The following RNASE4 variants were observed in gnomAD, a reference collection of about 807,000 sequenced individuals.
RNASE4 encodes the protein ribonuclease 4.
For missense variants in RNASE4, 194 were observed against 192.8 expected, an observed-to-expected ratio of 1.01 and a Z score of -0.04; for synonymous variants, 93 against 71.4, an observed-to-expected ratio of 1.30 and a Z score of -1.52.
In RNASE4 at chr14:20,693,543, G is replaced by A. The variant is rs373669465; in HGVS notation, c.-17-5812G>A. 72 of 1,610,188 alleles carry A rather than the reference G, an allele frequency of 4.5e-5. No homozygotes were observed. The highest frequency in any genetic ancestry group is 8.9e-5 in the East Asian group (4 of 44,894). On this transcript the variant is annotated intron_variant, in intron 1 of 1. Coordinates refer to ENST00000555835, the MANE Select transcript of RNASE4 (RefSeq NM_002937.5). ...TCTACCACACCTCCTTTTGCCCTCCGCAGGAGCCTGTGTTGGAAGAGATGG... is the reference window on the plus strand; with the variant it reads ...TCTACCACACCTCCTTTTGCCCTCCACAGGAGCCTGTGTTGGAAGAGATGG...
At position 20,699,605 on chromosome 14, in the gene RNASE4, C is replaced by G. The variant is rs774036206; in HGVS notation, c.234C>G (p.Ile78Met). 1.2e-6 allele frequency: 2 copies of G among 1,613,974 alleles called. No individual in the cohort carries two copies. Among genetic ancestry groups the G allele is most frequent in the Non-Finnish European group, 1.7e-6 (2 of 1,180,058 alleles). The change falls in exon 2 of 2, where the codon ATC (isoleucine) becomes ATG (methionine). Residue 78 changes from isoleucine (I) to methionine (M), a missense_variant. Coordinates refer to ENST00000555835, the MANE Select transcript of RNASE4 (RefSeq NM_002937.5). ...KRFNTFIHED[I>M]WNIRSICSTT... The stretch of plus-strand genomic sequence containing the variant: ...TCAACACCTTCATCCATGAAGATAT[C>G]TGGAACATTCGTAGTATCTGCAGCA...
intron 1 of RNASE4, chr14:20,688,768 AG>A: frequency 1.0e-6 from 1 of 984,974 alleles, no homozygotes; most frequent in East Asian, 1.1e-4. Context: ...GAACCTGGAG[AG>A]GCCTCCAGGT....
intron 1 of RNASE4, chr14:20,694,097 C>T: frequency 1.4e-6 from 2 of 1,454,514 alleles, no homozygotes; most frequent in Non-Finnish European, 1.9e-6. Flanking sequence ...ACATTCATTG[C>T]CAAGGGCCCA....
chr14:20,692,332 C>G (rs1305614829), intron 1 of RNASE4, among the ~76,000 whole-genome samples: 1 of 152,212 alleles, frequency 6.6e-6, no homozygotes, highest in African/African-American at 2.4e-5. Context: ...GTCTGCTTCC[C>G]TTCAACTCAG....
intron 1 of RNASE4, among the ~76,000 whole-genome samples, chr14:20,696,856 A>T (rs567433345): frequency 6.6e-6 from 1 of 152,228 alleles, no homozygotes; most frequent in East Asian, 1.9e-4. Context: ...TTACATGCTC[A>T]TTTTGCTTAT....
At chr14:20,687,663 A>T (rs1886488511) in intron 1 of RNASE4, among the ~76,000 whole-genome samples, 1 of 152,202 alleles carries the variant, frequency 6.6e-6, no homozygotes, top group South Asian at 2.1e-4. Flanking sequence ...AGCAGAGCAT[A>T]TTTACATAAT....
chr14:20,687,013 G>T (rs1886457205), intron 1 of RNASE4, among the ~76,000 whole-genome samples: 2 of 152,138 alleles, frequency 1.3e-5, no homozygotes, highest in African/African-American at 4.8e-5. Context: ...AAAATCTCCA[G>T]GAAAGGGGAA....
chr14:20,689,665 C>T (rs1292247701), intron 1 of RNASE4, among the ~76,000 whole-genome samples: 1 of 152,138 alleles, frequency 6.6e-6, no homozygotes, highest in Non-Finnish European at 1.5e-5. Context: ...ACCTGTAATC[C>T]CCGCACTTTG....
chr14:20,697,788 G>T lies in RNASE4; in HGVS notation c.-17-1567G>T, dbSNP rs576831432. 3.3e-5 allele frequency among the ~76,000 whole-genome samples: 5 copies of T among 152,300 alleles called. No homozygotes were observed. The South Asian group carries it at 1.0e-3, about 32-fold the overall frequency. On this transcript the variant is annotated intron_variant, in intron 1 of 1. Transcript: ENST00000555835. ...TGGGCTGCCTGACTCTCAAAACATT[G>T]CCCTTGCTAATTTGCGTTGCTCACT...
intron 1 of RNASE4, among the ~76,000 whole-genome samples, chr14:20,692,812 G>A (rs962656701): frequency 9.1e-4 from 139 of 152,284 alleles, no homozygotes; most frequent in African/African-American, 3.2e-3. Context: ...CCCCATGGAT[G>A]CCTCATTTCC....
chr14:20,699,871 A>G lies in RNASE4; in HGVS notation c.*56A>G. The G allele has an allele frequency of 6.8e-7, 1 of 1,477,138 alleles. No homozygotes were observed. Among genetic ancestry groups the G allele is most frequent in the Admixed American group, 1.7e-5 (1 of 58,826 alleles). The allele number at this position is 1,477,138 out of a possible 1,614,324, so 91.5% of individuals were successfully genotyped here. On this transcript the variant is annotated 3_prime_UTR_variant, in exon 2 of 2. Transcript: ENST00000555835. The stretch of plus-strand genomic sequence containing the variant: ...TTGACCTTACACTTACTCCTTAAAT[A>G]GCAGTGAGTAATGCATTTGAGCTGT...
At position 20,690,221 on chromosome 14, in the gene RNASE4, C is replaced by CA. The variant is rs36091065; in HGVS notation, c.-18+5490dup. On this transcript the variant is annotated intron_variant, in intron 1 of 1. Coordinates refer to ENST00000555835, the MANE Select transcript of RNASE4 (RefSeq NM_002937.5). ...TGGGCGACAGAGCGAGACTCCGTCT[C>CA]AAAAAAAAAAAAAAAAAAAAAAAAA... 7.8e-3 allele frequency among the ~76,000 whole-genome samples: 533 copies of CA among 67,986 alleles called. 32 individuals carry two copies. Among genetic ancestry groups the CA allele is most frequent in the African/African-American group, 0.018 (284 of 15,474 alleles). 44.6% of individuals were successfully genotyped at this position (67,986 alleles called of 152,430 possible).
At position 20,699,748 on chromosome 14, in the gene RNASE4, C is replaced by T. The variant is rs143629764; in HGVS notation, c.377C>T (p.Ala126Val). 1.8e-4 allele frequency: 285 copies of T among 1,611,518 alleles called. No individual in the cohort carries two copies. The Middle Eastern group carries it at 2.3e-3, about 13-fold the overall frequency. Residue 126 changes from alanine (A) to valine (V), a missense_variant, in exon 2 of 2, where the codon GCG (alanine) becomes GTG (valine). Ala to Val is a moderately conservative substitution (Grantham distance 64). Transcript: ENST00000555835. ...RAPNCRYRAI[A>V]STRRVVIACE... Reference sequence around the variant, plus strand: ...CCCAACTGCAGATATCGGGCCATAGCGAGCACTAGACGTGTTGTCATTGCC... The same window carrying T: ...CCCAACTGCAGATATCGGGCCATAGTGAGCACTAGACGTGTTGTCATTGCC...
intron 1 of RNASE4, among the ~76,000 whole-genome samples, chr14:20,689,281 T>C (rs906762149): frequency 5.3e-5 from 8 of 152,218 alleles, no homozygotes; most frequent in African/African-American, 1.9e-4. Flanking sequence ...CTTAGAAAAG[T>C]TTTGGATGCT....
intron 1 of RNASE4, among the ~76,000 whole-genome samples, chr14:20,695,090 GT>G (rs1377397261): frequency 6.6e-6 from 1 of 152,146 alleles, no homozygotes; most frequent in African/African-American, 2.4e-5. Flanking sequence ...CAAGTGTGAT[GT>G]TTTGGGGAAG....
chr14:20,695,287 C>A (rs1373497567), intron 1 of RNASE4, among the ~76,000 whole-genome samples: 1 of 151,294 alleles, frequency 6.6e-6, no homozygotes, highest in African/African-American at 2.4e-5. Flanking sequence ...CCCAGCTACT[C>A]GGGAGGCTGA....
At chr14:20,693,541 C>A (rs1453183730) in intron 1 of RNASE4, 1 of 1,610,136 alleles carries the variant, frequency 6.2e-7, no homozygotes, top group South Asian at 1.1e-5. Flanking sequence ...CTTTTGCCCT[C>A]CGCAGGAGCC....
At position 20,700,375 on chromosome 14, in the gene RNASE4, A is replaced by G. The variant is rs369799210; in HGVS notation, c.*560A>G. ...GGAGGCATTAAAAATTTGGAAATGTATGCCAGCAAAATGTGAGCTCTGTAT... is the reference window on the plus strand; with the variant it reads ...GGAGGCATTAAAAATTTGGAAATGTGTGCCAGCAAAATGTGAGCTCTGTAT... On this transcript the variant is annotated 3_prime_UTR_variant, in exon 2 of 2. Transcript: ENST00000555835. The G allele has an allele frequency of 6.0e-6, 1 of 167,162 alleles. No homozygotes were observed. Among genetic ancestry groups the G allele is most frequent in the South Asian group, 2.1e-4 (1 of 4,838 alleles). 10.4% of individuals were successfully genotyped at this position (167,162 alleles called of 1,614,324 possible). A position where few individuals can be genotyped will look rare whatever the true frequency, so the allele number is the denominator to read the frequency against.
chr14:20,695,069 C>T (rs191663589), intron 1 of RNASE4, among the ~76,000 whole-genome samples: 59 of 152,248 alleles, frequency 3.9e-4, no homozygotes, highest in African/African-American at 1.4e-3. Flanking sequence ...ACTTTATCAA[C>T]TAATGTCTGG....
Sources: allele counts gnomAD v4.1 joint callset (sites outside exome capture counted in the v4.1 genomes callset), GRCh38; gene constraint gnomAD v4.1.1; transcripts MANE v1.5; gene names NCBI Gene and HGNC (gene_info 2026-07-23, HGNC 2026-07-21).